LMO7: variants seen among roughly 807,000 people sequenced by gnomAD.
LMO7 encodes the protein LIM domain only protein 7.
A neutral mutation model predicts 206.5 loss-of-function variants in LMO7; 120 were observed. That is an observed-to-expected ratio of 0.58 (90% CI 0.50 to 0.68). The LOEUF is 0.68. Ranked by LOEUF, LMO7 falls within the 30% of genes least tolerant of loss-of-function variation. The pLI, the probability that LMO7 is intolerant of heterozygous loss-of-function variation, is 0.00. For missense variants in LMO7, 1,959 were observed against 1,957.9 expected, an observed-to-expected ratio of 1.00 and a Z score of -0.01; for synonymous variants, 706 against 681.5, an observed-to-expected ratio of 1.04 and a Z score of -0.56.
intron 2 of LMO7, among the ~76,000 whole-genome samples, chr13:75,625,685 ATAG>A (rs2033960156): frequency 1.3e-5 from 2 of 152,226 alleles, no homozygotes; most frequent in African/African-American, 4.8e-5. Context: ...AAAGAGATTT[ATAG>A]TAGAGTCATG....
At chr13:75,743,361 A>G (rs565517632) in intron 3 of LMO7, among the ~76,000 whole-genome samples, 1 of 152,340 alleles carries the variant, frequency 6.6e-6, no homozygotes, top group South Asian at 2.1e-4. Context: ...ATTACTGGGT[A>G]TATACCCAAA....
At chr13:75,735,915 C>CT (rs1471474783) in intron 3 of LMO7, among the ~76,000 whole-genome samples, 83 of 151,960 alleles carry the variant, frequency 5.5e-4, no homozygotes, top group African/African-American at 2.0e-3. Context: ...AATTAAATAG[C>CT]TTATTGCTTT....
chr13:75,735,253 A>C (rs914232347), intron 3 of LMO7, among the ~76,000 whole-genome samples: 3 of 149,898 alleles, frequency 2.0e-5, no homozygotes, highest in Non-Finnish European at 4.4e-5. Context: ...TCCCACCCCC[A>C]CTCACCCCCT....
chr13:75,835,348 T>G lies in LMO7; in HGVS notation c.3333+9T>G, dbSNP rs756874271. 6.4e-7 allele frequency: 1 copy of G among 1,572,186 alleles called. No homozygotes were observed. The highest frequency in any genetic ancestry group is 8.7e-7 in the Non-Finnish European group (1 of 1,155,244). ...AAAGCCTTCAGAGTTCTGTGAGTATTTGGAGAAGTAGGAAGTACTGGTGTG... is the reference window on the plus strand; with the variant it reads ...AAAGCCTTCAGAGTTCTGTGAGTATGTGGAGAAGTAGGAAGTACTGGTGTG... On this transcript the variant is annotated intron_variant, in intron 18 of 30. Transcript: ENST00000377534.
At chr13:75,731,958 T>A (rs1379510127) in intron 3 of LMO7, among the ~76,000 whole-genome samples, 2 of 152,206 alleles carry the variant, frequency 1.3e-5, no homozygotes, top group African/African-American at 2.4e-5. Context: ...TGGCCCCCAC[T>A]CTCTTCTGGC....
rs546219912 is a variant in LMO7, at chr13:75,807,367, C to T, written c.1197-113C>T. On this transcript the variant is annotated intron_variant, in intron 9 of 30. Coordinates refer to ENST00000377534, the MANE Select transcript of LMO7 (RefSeq NM_001306080.2). ...CAATGGTCCTCTAAAATGATTTACC[C>T]TCAGTAACTGGCTAGTTGGTCTGCT... is the stretch of plus-strand genomic sequence containing the variant. 255 of 1,074,526 alleles carry T rather than the reference C, an allele frequency of 2.4e-4. 1 individual carries two copies. The East Asian group carries it at 6.4e-3, about 27-fold the overall frequency. The allele number at this position is 1,074,526 out of a possible 1,614,324, so 66.6% of individuals were successfully genotyped here.
chr13:75,630,802 G>T (rs1566253207), intron 2 of LMO7, among the ~76,000 whole-genome samples: 1 of 149,790 alleles, frequency 6.7e-6, no homozygotes, highest in African/African-American at 2.4e-5. Context: ...TACACTGCCT[G>T]TTTTCTTTTT....
chr13:75,795,403 A>G lies in LMO7; in HGVS notation c.320A>G (p.Gln107Arg), dbSNP rs1360273606. The G allele has an allele frequency of 3.2e-6, 5 of 1,585,652 alleles. No homozygotes were observed. The highest frequency in any genetic ancestry group is 1.7e-4 in the Middle Eastern group (1 of 6,028). The change falls in exon 5 of 31, where the codon CAA becomes CGA. Residue 107 changes from glutamine to arginine, a missense_variant and splice_region_variant. Physicochemically the swap from Gln to Arg is conservative, Grantham distance 43. Coordinates refer to ENST00000377534, the MANE Select transcript of LMO7 (RefSeq NM_001306080.2). ...QDLSNRVTVKQEETDRRVKNV... is the reference protein window; with the variant it reads ...QDLSNRVTVKREETDRRVKNV... ...ATAGATATTTTCTTTCTTTACAGGC[A>G]AGAAGAGACTGACAGGAGAGTGAAA...
intron 1 of LMO7, among the ~76,000 whole-genome samples, chr13:75,639,062 G>A (rs1438351317): frequency 1.3e-5 from 2 of 151,928 alleles, no homozygotes; most frequent in Non-Finnish European, 2.9e-5. Flanking sequence ...CTGCAGCTTT[G>A]AATACCCCAA....
chr13:75,709,336 TG>T (rs2042898748), intron 1 of LMO7, among the ~76,000 whole-genome samples: 1 of 152,226 alleles, frequency 6.6e-6, no homozygotes, highest in Non-Finnish European at 1.5e-5. Context: ...CTGGGTCAAA[TG>T]GTATTTCTAC....
At chr13:75,644,121 G>A (rs2036806773) in intron 1 of LMO7, among the ~76,000 whole-genome samples, 1 of 152,002 alleles carries the variant, frequency 6.6e-6, no homozygotes, top group Admixed American at 6.6e-5. Context: ...TGAATAGCGA[G>A]TTACCTGCTA....
chr13:75,623,257 G>T, intron 1 of LMO7: 1 of 1,306,254 alleles, frequency 7.7e-7, no homozygotes, highest in South Asian at 1.2e-5. Flanking sequence ...TCCTAATCAT[G>T]ACTTTTTACA....
chr13:75,826,028 T>A (rs968620021), intron 15 of LMO7, among the ~76,000 whole-genome samples: 1 of 152,108 alleles, frequency 6.6e-6, no homozygotes, highest in Non-Finnish European at 1.5e-5. Flanking sequence ...TTCTTTCTTT[T>A]TTTAAAAATT....
At chr13:75,777,248 A>G (rs1317677746) in intron 4 of LMO7, among the ~76,000 whole-genome samples, 2 of 152,198 alleles carry the variant, frequency 1.3e-5, no homozygotes, top group Non-Finnish European at 2.9e-5. Flanking sequence ...TTGCTTTATT[A>G]TTATAGTTCG....
At position 75,697,302 on chromosome 13, in the gene LMO7, A is replaced by G. The variant is rs112153268; in HGVS notation, c.70-15880A>G. ...AATAAACACACATCTGAGACTGGGT[A>G]ATTTATAAAGGAAAGAGGTTTAATG... On this transcript the variant is annotated intron_variant, in intron 1 of 30. Transcript: ENST00000377534. Among the ~76,000 whole-genome samples the G allele has an allele frequency of 5.6e-3, 860 of 152,294 alleles. 6 individuals are homozygous for G. Among genetic ancestry groups the G allele is most frequent in the African/African-American group, 0.02 (829 of 41,566 alleles).
intron 1 of LMO7, among the ~76,000 whole-genome samples, chr13:75,677,871 C>T (rs2040153668): frequency 6.7e-6 from 1 of 148,928 alleles, no homozygotes; most frequent in Admixed American, 6.8e-5. Flanking sequence ...CAATTCCCAC[C>T]TATGAGTGAG....
At chr13:75,785,308 A>C (rs1000172712) in intron 4 of LMO7, among the ~76,000 whole-genome samples, 3 of 152,178 alleles carry the variant, frequency 2.0e-5, no homozygotes, top group Non-Finnish European at 4.4e-5. Context: ...AAGCCTATGA[A>C]TCACATCAAA....
intron 9 of LMO7, chr13:75,806,115 T>C (rs1247345178): frequency 9.6e-7 from 1 of 1,039,368 alleles, no homozygotes; most frequent in African/African-American, 1.7e-5. Flanking sequence ...GCGCCACCGT[T>C]TTTAGTAGAG....
intron 4 of LMO7, among the ~76,000 whole-genome samples, chr13:75,780,548 T>A (rs967899601): frequency 5.3e-5 from 8 of 152,180 alleles, no homozygotes; most frequent in African/African-American, 1.7e-4. Context: ...AGATTTTATG[T>A]TGTTCAAACA....
Sources: gnomAD v4.1 joint callset for allele counts (sites outside exome capture counted in the v4.1 genomes callset) on GRCh38, gnomAD v4.1.1 for gene constraint, MANE v1.5 for transcripts, NCBI Gene and HGNC (gene_info 2026-07-23, HGNC 2026-07-21) for gene names.